The following SNX29 variants were observed in gnomAD, a reference collection of about 807,000 sequenced individuals.
The protein encoded by SNX29 is sorting nexin-29.
In SNX29, 78 loss-of-function variants were observed where a neutral mutation model predicts 102.1. That is an observed-to-expected ratio of 0.76 (90% CI 0.64 to 0.92). The LOEUF (loss-of-function observed/expected upper bound fraction) is 0.92, where lower values mean the gene tolerates loss of function less well. Among genes scored for constraint, SNX29 ranks in the 40% least tolerant of loss-of-function variants. The pLI, the probability that SNX29 is intolerant of heterozygous loss-of-function variation, is 0.00. For missense variants in SNX29, 1,280 were observed against 1,061.7 expected, an observed-to-expected ratio of 1.21 and a Z score of -2.86; for synonymous variants, 580 against 414.5, an observed-to-expected ratio of 1.40 and a Z score of -4.85.
intron 16 of SNX29, among the ~76,000 whole-genome samples, chr16:12,371,458 T>A (rs1260814996): frequency 6.6e-6 from 1 of 152,180 alleles, no homozygotes; most frequent in Non-Finnish European, 1.5e-5. Context: ...CCACCATGCC[T>A]GGCTAATTTT....
At chr16:12,436,556 G>T (rs2085548772) in intron 18 of SNX29, among the ~76,000 whole-genome samples, 1 of 152,250 alleles carries the variant, frequency 6.6e-6, no homozygotes, top group Admixed American at 6.5e-5. Context: ...GATTCAGGAG[G>T]GCTGAGGGGC....
chr16:12,101,840 T>C (rs2053034814), intron 11 of SNX29, among the ~76,000 whole-genome samples: 1 of 152,178 alleles, frequency 6.6e-6, no homozygotes, highest in African/African-American at 2.4e-5. Context: ...ATAGGTATAC[T>C]TGTGCCACGG....
At chr16:11,983,689 C>CTTGACAAG in intron 1 of SNX29, 1 of 985,400 alleles carries the variant, frequency 1.0e-6, no homozygotes, top group Non-Finnish European at 1.2e-6. Flanking sequence ...GGCTATCTTG[C>CTTGACAAG]CTCCTGGTTG....
chr16:12,066,860 G>A lies in SNX29; in HGVS notation c.1244-2197G>A, dbSNP rs189391880. Among the ~76,000 whole-genome samples, 322 of 152,090 alleles carry A rather than the reference G, an allele frequency of 2.1e-3. 1 individual carries two copies. The highest frequency in any genetic ancestry group is 7.7e-3 in the Admixed American group (117 of 15,270). On this transcript the variant is annotated intron_variant, in intron 9 of 20. Coordinates refer to ENST00000566228, the MANE Select transcript of SNX29 (RefSeq NM_032167.5). ...GGGGTGAGTTGATGCCACCCTCACT[G>A]AGCATTCTCATTGAGTTTTACATGC... is the stretch of plus-strand genomic sequence containing the variant.
chr16:12,084,237 C>A (rs796662941), intron 11 of SNX29, among the ~76,000 whole-genome samples: 4 of 152,128 alleles, frequency 2.6e-5, no homozygotes, highest in African/African-American at 9.6e-5. Context: ...CCTCCGCCTC[C>A]CGGATTCAGG....
At chr16:12,562,481 T>TCCTAGAAAG (rs2078782524) in intron 20 of SNX29, among the ~76,000 whole-genome samples, 1 of 152,080 alleles carries the variant, frequency 6.6e-6, no homozygotes, top group African/African-American at 2.4e-5. Flanking sequence ...GGAACTCGAG[T>TCCTAGAAAG]CCTAGAAAGG....
rs1000177219 is a variant in SNX29, at chr16:12,030,636, C to T, written c.247+3192C>T. ...TTCAGTCTTGATCAGCTCTGACCCA[C>T]TTTGCACATCATGGAGTGGTCTTCT... On this transcript the variant is annotated intron_variant, in intron 4 of 20. Transcript: ENST00000566228. 5.9e-5 allele frequency among the ~76,000 whole-genome samples: 9 copies of T among 152,326 alleles called. 1 individual carries two copies. In the South Asian group the frequency reaches 1.4e-3, roughly 25 times the overall value.
intron 13 of SNX29, among the ~76,000 whole-genome samples, chr16:12,171,592 C>T (rs1259212628): frequency 6.6e-6 from 1 of 152,210 alleles, no homozygotes; most frequent in African/African-American, 2.4e-5. Context: ...TGGTTCAGGG[C>T]TTAGCCCTCT....
At chr16:12,266,992 A>T (rs2078948454) in intron 14 of SNX29, among the ~76,000 whole-genome samples, 1 of 151,834 alleles carries the variant, frequency 6.6e-6, no homozygotes, top group Non-Finnish European at 1.5e-5. Flanking sequence ...CGAACTCTTG[A>T]TCTCAAGTGA....
chr16:12,543,504 G>T (rs1302885314), intron 20 of SNX29, among the ~76,000 whole-genome samples: 1 of 152,202 alleles, frequency 6.6e-6, no homozygotes. Context: ...GTGCTGGCGA[G>T]TCATTGTGTA....
intron 13 of SNX29, among the ~76,000 whole-genome samples, chr16:12,187,288 G>A (rs528090959): frequency 4.6e-5 from 7 of 152,296 alleles, no homozygotes; most frequent in East Asian, 1.9e-4. Context: ...AGCTGGGCGC[G>A]GTGGCCCACT....
rs770138155 is a variant in SNX29, at chr16:12,052,217, C to A, written c.1119C>A (p.Pro373=). 1 of 1,613,750 alleles carries A rather than the reference C, an allele frequency of 6.2e-7. No homozygotes were observed. Among genetic ancestry groups the A allele is most frequent in the South Asian group, 1.1e-5 (1 of 90,968 alleles). ...GRKHRGHSES[P]EKPLEGNTCL... Reference sequence around the variant, plus strand: ...AGCACAGGGGCCACTCGGAGTCGCCCGAGAAGTAAGTTTGTGTGTAAGGTG... The same window carrying A: ...AGCACAGGGGCCACTCGGAGTCGCCAGAGAAGTAAGTTTGTGTGTAAGGTG... Residue 373 remains proline (P), a synonymous_variant, in exon 8 of 21, where the codon CCC becomes CCA. Coordinates refer to ENST00000566228, the MANE Select transcript of SNX29 (RefSeq NM_032167.5).
chr16:12,425,762 C>CCTTTCTG (rs1313095666), intron 18 of SNX29, among the ~76,000 whole-genome samples: 2 of 152,130 alleles, frequency 1.3e-5, no homozygotes, highest in African/African-American at 4.8e-5. Flanking sequence ...GCCAGGAATT[C>CCTTTCTG]ATTTCTGAAT....
intron 20 of SNX29, among the ~76,000 whole-genome samples, chr16:12,550,951 A>G (rs2077937330): frequency 1.3e-5 from 2 of 152,314 alleles, no homozygotes; most frequent in South Asian, 4.1e-4. Context: ...TGAATCATAA[A>G]GGTAGAATGG....
intron 20 of SNX29, among the ~76,000 whole-genome samples, chr16:12,565,653 A>C (rs917761586): frequency 9.2e-5 from 14 of 152,322 alleles, no homozygotes; most frequent in East Asian, 7.7e-4. Context: ...TAGCCTCGTG[A>C]CAGCTCAGTG....
At chr16:12,447,899 C>T (rs1229618081) in intron 18 of SNX29, among the ~76,000 whole-genome samples, 1 of 152,178 alleles carries the variant, frequency 6.6e-6, no homozygotes, top group Non-Finnish European at 1.5e-5. Flanking sequence ...GTCAGGAAGA[C>T]ACTAGGGAAG....
chr16:12,284,138 T>C (rs1001030377), intron 15 of SNX29, among the ~76,000 whole-genome samples: 4 of 152,250 alleles, frequency 2.6e-5, no homozygotes, highest in African/African-American at 9.6e-5. Context: ...CACAACAATG[T>C]GAAGTGTTGG....
rs148436442 is a variant in SNX29, at chr16:12,528,199, C to T, written c.2318+3358C>T. Among the ~76,000 whole-genome samples, 356 of 152,152 alleles carry T rather than the reference C, an allele frequency of 2.3e-3. 1 individual carries two copies. Among genetic ancestry groups the T allele is most frequent in the Non-Finnish European group, 4.2e-3 (283 of 68,016 alleles). On this transcript the variant is annotated intron_variant, in intron 20 of 20. Coordinates refer to ENST00000566228, the MANE Select transcript of SNX29 (RefSeq NM_032167.5). Reference sequence around the variant, plus strand: ...AAGGTGTCAGATAAAAAAATCCAGACGTCAAGCTTCTTTATTTTGAGACAA... The same window carrying T: ...AAGGTGTCAGATAAAAAAATCCAGATGTCAAGCTTCTTTATTTTGAGACAA...
At chr16:12,257,860 A>T (rs1229883389) in intron 14 of SNX29, among the ~76,000 whole-genome samples, 1 of 152,058 alleles carries the variant, frequency 6.6e-6, no homozygotes, top group Non-Finnish European at 1.5e-5. Flanking sequence ...TGGTTGCTCA[A>T]ACCAGAAATC....
Sources: allele counts gnomAD v4.1 joint callset (sites outside exome capture counted in the v4.1 genomes callset), GRCh38; gene constraint gnomAD v4.1.1; transcripts MANE v1.5; gene names NCBI Gene and HGNC (gene_info 2026-07-23, HGNC 2026-07-21).